The following CAMTA1 variants were observed in gnomAD, a reference collection of about 807,000 sequenced individuals.
CAMTA1 encodes the protein calmodulin binding transcription activator 1.
Under a neutral mutation model 170.9 loss-of-function variants are expected in CAMTA1, and 27 were observed. That is an observed-to-expected ratio of 0.16 (90% CI 0.12 to 0.22). The LOEUF (loss-of-function observed/expected upper bound fraction) is 0.22. Among genes scored for constraint, CAMTA1 ranks in the 10% least tolerant of loss-of-function variants. CAMTA1 has a pLI of 1.00. For synonymous variants in CAMTA1, 833 were observed against 891.5 expected (o/e 0.93, Z 1.17); for missense variants, 1,619 against 2,217.2 (o/e 0.73, Z 5.42).
At chr1:7,039,451 G>A (rs1704102199) in intron 3 of CAMTA1, among the ~76,000 whole-genome samples, 1 of 152,138 alleles carries the variant, frequency 6.6e-6, no homozygotes, top group South Asian at 2.1e-4. Context: ...TGATACCTTG[G>A]TTTGAGGACT....
chr1:6,955,557 A>G (rs1557881615), intron 3 of CAMTA1, among the ~76,000 whole-genome samples: 2 of 152,200 alleles, frequency 1.3e-5, no homozygotes. Flanking sequence ...GAAAGCCTCA[A>G]AGCTTAGGAT....
chr1:7,601,449 T>C (rs1382572614), intron 6 of CAMTA1, among the ~76,000 whole-genome samples: 1 of 150,456 alleles, frequency 6.6e-6, no homozygotes, highest in Admixed American at 6.6e-5. Flanking sequence ...CGCTCCTCAC[T>C]TTCCAGACTG....
At chr1:7,651,982 A>G (rs2095851030) in intron 7 of CAMTA1, among the ~76,000 whole-genome samples, 1 of 152,220 alleles carries the variant, frequency 6.6e-6, no homozygotes, top group African/African-American at 2.4e-5. Flanking sequence ...CAGCCATGTC[A>G]GGAATGAAAG....
At chr1:7,027,550 G>A (rs1252118312) in intron 3 of CAMTA1, among the ~76,000 whole-genome samples, 1 of 152,150 alleles carries the variant, frequency 6.6e-6, no homozygotes, top group Non-Finnish European at 1.5e-5. Flanking sequence ...GGTGTTTTTG[G>A]TGGCAGATGC....
intron 5 of CAMTA1, among the ~76,000 whole-genome samples, chr1:7,257,798 T>C (rs1244088653): frequency 6.6e-6 from 1 of 152,244 alleles, no homozygotes; most frequent in Admixed American, 6.5e-5. Context: ...TCATGTATTT[T>C]ATCTGACAAC....
chr1:6,839,400 A>C (rs998364117), intron 3 of CAMTA1, among the ~76,000 whole-genome samples: 2 of 151,986 alleles, frequency 1.3e-5, no homozygotes, highest in East Asian at 1.9e-4. Context: ...AAAACAAAAA[A>C]CAAAAAACCC....
intron 6 of CAMTA1, among the ~76,000 whole-genome samples, chr1:7,530,237 C>A (rs749258822): frequency 2.0e-5 from 3 of 152,202 alleles, no homozygotes; most frequent in African/African-American, 7.2e-5. Flanking sequence ...GGCCCCAGCT[C>A]GTCCTCCTCC....
chr1:7,546,090 G>A (rs1575937640), intron 6 of CAMTA1, among the ~76,000 whole-genome samples: 1 of 152,042 alleles, frequency 6.6e-6, no homozygotes, highest in East Asian at 1.9e-4. Flanking sequence ...CGAGTAGCTG[G>A]GACTACAGGC....
chr1:6,817,502 A>G (rs629196), intron 1 of CAMTA1, among the ~76,000 whole-genome samples: 99,056 of 152,110 alleles, frequency 0.65, 32,759 homozygotes, highest in Admixed American at 0.75. Context: ...CTAAGGTATG[A>G]TGATTCCATG....
chr1:7,632,115 C>T (rs557739695), intron 6 of CAMTA1, among the ~76,000 whole-genome samples: 1 of 152,356 alleles, frequency 6.6e-6, no homozygotes, highest in Non-Finnish European at 1.5e-5. Flanking sequence ...AGGCTCCTAC[C>T]CTCGTTGTTC....
At chr1:7,704,865 A>C (rs2096491026) in intron 11 of CAMTA1, among the ~76,000 whole-genome samples, 1 of 143,706 alleles carries the variant, frequency 7.0e-6, no homozygotes, top group Non-Finnish European at 1.5e-5. Flanking sequence ...CGCAAGCCTG[A>C]CGAGCAGGAG....
intron 4 of CAMTA1, among the ~76,000 whole-genome samples, chr1:7,168,848 A>T (rs1558196563): frequency 6.6e-6 from 1 of 152,342 alleles, no homozygotes; most frequent in Middle Eastern, 3.4e-3. Context: ...CTCTTGCCTC[A>T]TGTCTGATTC....
intron 3 of CAMTA1, among the ~76,000 whole-genome samples, chr1:6,969,213 A>T (rs1167116400): frequency 1.3e-5 from 2 of 152,164 alleles, no homozygotes; most frequent in African/African-American, 4.8e-5. Flanking sequence ...AGCCATGCTA[A>T]ATCAGGCAGC....
intron 5 of CAMTA1, among the ~76,000 whole-genome samples, chr1:7,450,249 G>A (rs1046522906): frequency 3.3e-5 from 5 of 152,180 alleles, no homozygotes; most frequent in African/African-American, 4.8e-5. Context: ...TTGTTGTAAG[G>A]ACCAAAAGTG....
intron 5 of CAMTA1, among the ~76,000 whole-genome samples, chr1:7,383,847 C>G (rs1372444123): frequency 6.6e-6 from 1 of 152,048 alleles, no homozygotes. Context: ...GGATGATGAT[C>G]GTGGAGGATT....
intron 5 of CAMTA1, among the ~76,000 whole-genome samples, chr1:7,387,567 C>A (rs1395038812): frequency 1.3e-5 from 2 of 152,196 alleles, no homozygotes; most frequent in African/African-American, 2.4e-5. Context: ...GAGGCTCACC[C>A]AGCCCAGGTG....
At chr1:7,723,098 A>G (rs1010291518) in intron 11 of CAMTA1, among the ~76,000 whole-genome samples, 2 of 152,162 alleles carry the variant, frequency 1.3e-5, no homozygotes, top group African/African-American at 2.4e-5. Flanking sequence ...CTCAATAGCA[A>G]TGAACGCTCA....
chr1:7,673,787 TATTA>T lies in CAMTA1; in HGVS notation c.2779+2754_2779+2757del, dbSNP rs59560690. 0.32 allele frequency among the ~76,000 whole-genome samples: 49,027 copies of T among 151,956 alleles called. 8,344 individuals carry two copies. Among genetic ancestry groups the T allele is most frequent in the Non-Finnish European group, 0.37 (25,281 of 67,884 alleles). ...TTGCTCTGTAAAACAGCACTGGATG[TATTA>T]ATTCATTCATTCATTTCTTCATTTG... On this transcript the variant is annotated intron_variant, in intron 10 of 22. Transcript: ENST00000303635. This position sits in a 1 kb window ranked among gnomAD's most constrained non-coding sequence, Gnocchi z 4.6.
In CAMTA1 at chr1:7,719,743, C is replaced by A. The variant is rs117891563; in HGVS notation, c.2915-12705C>A. On this transcript the variant is annotated intron_variant, in intron 11 of 22. Coordinates refer to ENST00000303635, the MANE Select transcript of CAMTA1 (RefSeq NM_015215.4). ...AGCAGCTTAATATACTCTCGTGGCA[C>A]CATTTATTCTGGGAGGGAATTAAGT... 9.9e-5 allele frequency among the ~76,000 whole-genome samples: 15 copies of A among 152,284 alleles called. No individual in the cohort carries two copies. In the East Asian group the frequency reaches 2.7e-3, roughly 27 times the overall value.
Sources: gnomAD v4.1 joint callset for allele counts (sites outside exome capture counted in the v4.1 genomes callset) on GRCh38, gnomAD v4.1.1 for gene constraint, Gnocchi (gnomAD v3.1) non-coding constraint, MANE v1.5 for transcripts, NCBI Gene and HGNC (gene_info 2026-07-23, HGNC 2026-07-21) for gene names.